The following FBXL20 variants were observed in gnomAD, a reference collection of about 807,000 sequenced individuals.
FBXL20 encodes the protein F-box/LRR-repeat protein 20.
A neutral mutation model predicts 64.0 loss-of-function variants in FBXL20; 11 were observed. The observed-to-expected ratio is 0.17, with a 90% confidence interval of 0.11 to 0.28. FBXL20 has a LOEUF of 0.28. FBXL20 is among the 10% of genes least tolerant of loss of function. The probability of loss-of-function intolerance (pLI) is 1.00; values close to 1 mark genes in which losing one functional copy is unlikely to be tolerated. For missense variants in FBXL20, 303 were observed against 526.2 expected, an observed-to-expected ratio of 0.58 and a Z score of 4.15; for synonymous variants, 184 against 189.0, an observed-to-expected ratio of 0.97 and a Z score of 0.22.
intron 1 of FBXL20, among the ~76,000 whole-genome samples, chr17:39,382,801 T>G (rs944868192): frequency 6.6e-6 from 1 of 152,080 alleles, no homozygotes; most frequent in African/African-American, 2.4e-5. Flanking sequence ...GATCCTACTC[T>G]GCACTCTAGC....
intron 2 of FBXL20, among the ~76,000 whole-genome samples, chr17:39,327,242 C>A (rs1309995502): frequency 1.3e-5 from 2 of 152,076 alleles, no homozygotes; most frequent in African/African-American, 4.8e-5. Flanking sequence ...TACCCAGCCT[C>A]AAAGTTAACT....
chr17:39,386,286 G>C (rs1224988318), intron 1 of FBXL20, among the ~76,000 whole-genome samples: 2 of 151,916 alleles, frequency 1.3e-5, no homozygotes, highest in African/African-American at 4.8e-5. Context: ...CAGCCTGGGT[G>C]ACAGAGCAAG....
chr17:39,274,086 G>A (rs2046870240), intron 10 of FBXL20, among the ~76,000 whole-genome samples: 1 of 151,948 alleles, frequency 6.6e-6, no homozygotes, highest in Admixed American at 6.6e-5. Context: ...TGTTGCCCAT[G>A]CTGGTCTCAA....
upstream of FBXL20, chr17:39,402,011 CG>C (rs1213161209): frequency 1.7e-6 from 1 of 582,258 alleles, no homozygotes; most frequent in Non-Finnish European, 2.5e-6. Context: ...TCTTCTGCCC[CG>C]TGTCCCCCTC....
chr17:39,370,763 C>T (rs2047909786), intron 1 of FBXL20, among the ~76,000 whole-genome samples: 1 of 148,926 alleles, frequency 6.7e-6, no homozygotes, highest in Non-Finnish European at 1.5e-5. Context: ...CCACTGCACT[C>T]CAGCCTGGGC....
At chr17:39,390,342 C>A (rs145563851) in intron 1 of FBXL20, among the ~76,000 whole-genome samples, 1 of 152,018 alleles carries the variant, frequency 6.6e-6, no homozygotes, top group Non-Finnish European at 1.5e-5. Context: ...AGGTGGATCA[C>A]CTGGGGTCAT....
At position 39,254,007 on chromosome 17, in the gene FBXL20, A is replaced by C. The variant is rs2046672991; in HGVS notation, c.*7453T>G. The C allele has an allele frequency of 6.6e-6, 1 of 152,256 alleles. No individual in the cohort carries two copies. Among genetic ancestry groups the C allele is most frequent in the Admixed American group, 6.5e-5 (1 of 15,284 alleles). 9.4% of individuals were successfully genotyped at this position (152,256 alleles called of 1,614,324 possible). On this transcript the variant is annotated 3_prime_UTR_variant, in exon 15 of 15. Transcript: ENST00000264658. ...CTAAGGTAAGAAACATATATGTGTG[A>C]GCAGCAATGAGGTACAGATCTGAAT...
chr17:39,362,995 A>C (rs2047813701), intron 1 of FBXL20, among the ~76,000 whole-genome samples: 1 of 151,322 alleles, frequency 6.6e-6, no homozygotes, highest in Admixed American at 6.6e-5. Flanking sequence ...CCTACATTTT[A>C]TTTATTTATT....
intron 2 of FBXL20, among the ~76,000 whole-genome samples, chr17:39,321,587 G>C (rs2144514094): frequency 6.6e-6 from 1 of 151,842 alleles, no homozygotes. Context: ...AGACCAGCCT[G>C]GCCAACATGG....
At chr17:39,305,146 G>A (rs2047170576) in intron 2 of FBXL20, among the ~76,000 whole-genome samples, 1 of 151,852 alleles carries the variant, frequency 6.6e-6, no homozygotes. Flanking sequence ...AATGAAAAAT[G>A]TTAAATGTCT....
intron 1 of FBXL20, among the ~76,000 whole-genome samples, chr17:39,357,671 A>G (rs1282642017): frequency 2.0e-5 from 3 of 152,152 alleles, no homozygotes; most frequent in Non-Finnish European, 4.4e-5. Context: ...CAGCCTCCCA[A>G]CGTGTTGCGA....
chr17:39,390,548 G>A (rs565983075), intron 1 of FBXL20, among the ~76,000 whole-genome samples: 25 of 150,224 alleles, frequency 1.7e-4, no homozygotes, highest in Non-Finnish European at 2.4e-4. Flanking sequence ...GTGACAGAGC[G>A]CAAGACTCCA....
intron 1 of FBXL20, among the ~76,000 whole-genome samples, chr17:39,383,202 A>G (rs533610915): frequency 6.6e-6 from 1 of 152,024 alleles, no homozygotes; most frequent in African/African-American, 2.4e-5. Context: ...TATTCATATA[A>G]TGGAATACTA....
At chr17:39,303,925 A>G (rs756695284) in intron 2 of FBXL20, among the ~76,000 whole-genome samples, 6 of 152,120 alleles carry the variant, frequency 3.9e-5, no homozygotes, top group Non-Finnish European at 7.4e-5. Flanking sequence ...GGCTCAAGCA[A>G]TTGGCCTCCC....
rs2047219145 is a variant in FBXL20 at position 39,310,101 on chromosome 17, T to C, written c.105-6462A>G. On this transcript the variant is annotated intron_variant, in intron 2 of 14. Transcript: ENST00000264658. Reference sequence around the variant, plus strand: ...CAAGGAAACAGAGGTTGCAGTGAGCTGAGATCGCCCCACTGCACTCCAGTG... The same window carrying C: ...CAAGGAAACAGAGGTTGCAGTGAGCCGAGATCGCCCCACTGCACTCCAGTG... Among the ~76,000 whole-genome samples the C allele has an allele frequency of 3.3e-5, 5 of 149,422 alleles. No individual in the cohort carries two copies. In the South Asian group the frequency reaches 1.0e-3, roughly 31 times the overall value.
intron 9 of FBXL20, among the ~76,000 whole-genome samples, chr17:39,277,754 C>CAAA (rs34095802): frequency 1.1e-5 from 1 of 89,892 alleles, no homozygotes; most frequent in African/African-American, 4.6e-5. Context: ...AACTCCGTCT[C>CAAA]AAAAAAAAAA....
intron 2 of FBXL20, among the ~76,000 whole-genome samples, chr17:39,337,143 G>T (rs145285436): frequency 6.6e-6 from 1 of 152,086 alleles, no homozygotes; most frequent in East Asian, 1.9e-4. Context: ...GCGCCGCCAC[G>T]CCTGACTGGT....
In FBXL20 at chr17:39,313,425, G is replaced by A. The variant is rs576662980; in HGVS notation, c.105-9786C>T. Among the ~76,000 whole-genome samples the A allele has an allele frequency of 1.2e-3, 188 of 151,352 alleles. 1 individual carries two copies. The highest frequency in any genetic ancestry group is 3.4e-3 in the Middle Eastern group (1 of 294). The stretch of plus-strand genomic sequence containing the variant: ...TTTTTGTATTTTTAGTAGAGACAGC[G>A]TTTCGCCATGTTGGCCAGGCTGGTC... On this transcript the variant is annotated intron_variant, in intron 2 of 14. Coordinates refer to ENST00000264658, the MANE Select transcript of FBXL20 (RefSeq NM_032875.3).
At chr17:39,288,622 G>A (rs898205878) in intron 6 of FBXL20, among the ~76,000 whole-genome samples, 7 of 151,758 alleles carry the variant, frequency 4.6e-5, no homozygotes, top group Non-Finnish European at 7.4e-5. Flanking sequence ...GGCCTTTTCC[G>A]ATTATTATTT....
Sources: allele counts gnomAD v4.1 joint callset (sites outside exome capture counted in the v4.1 genomes callset), GRCh38; gene constraint gnomAD v4.1.1; transcripts MANE v1.5; gene names NCBI Gene and HGNC (gene_info 2026-07-23, HGNC 2026-07-21).